The following KIF26B variants were observed in gnomAD, a reference collection of about 807,000 sequenced individuals.
KIF26B encodes the protein kinesin family member 26B, also known as kinesin-like protein KIF26B.
Under a neutral mutation model 151.2 loss-of-function variants are expected in KIF26B, and 63 were observed. The ratio of observed to expected loss-of-function variants is 0.42; its 90% confidence interval spans 0.34 to 0.51. The LOEUF is 0.51. KIF26B is among the 20% of genes least tolerant of loss of function. KIF26B has a pLI of 0.07. For missense variants in KIF26B, 2,813 were observed against 2,913.6 expected (o/e 0.97, Z 0.79); for synonymous variants, 1,357 against 1,262.1 (o/e 1.08, Z -1.59).
At chr1:245,673,746 G>A (rs1297866299) in intron 10 of KIF26B, 1 of 152,230 alleles carries the variant, frequency 6.6e-6, no homozygotes, top group African/African-American at 2.4e-5. Flanking sequence ...AAAAATGCAA[G>A]TTTATCACGA....
intron 4 of KIF26B, among the ~76,000 whole-genome samples, chr1:245,465,701 T>C (rs1410305103): frequency 6.6e-6 from 1 of 152,144 alleles, no homozygotes; most frequent in Non-Finnish European, 1.5e-5. Context: ...AAGGACTGTT[T>C]ACAAAAGCTG....
intron 10 of KIF26B, among the ~76,000 whole-genome samples, chr1:245,659,545 C>T (rs983742181): frequency 6.6e-6 from 1 of 152,126 alleles, no homozygotes; most frequent in Non-Finnish European, 1.5e-5. Context: ...AAATAGCAAA[C>T]ATATATTTGC....
intron 4 of KIF26B, among the ~76,000 whole-genome samples, chr1:245,423,709 A>C (rs1188718742): frequency 6.6e-6 from 1 of 152,020 alleles, no homozygotes; most frequent in African/African-American, 2.4e-5. Flanking sequence ...GACGAAAAAT[A>C]TGTCTATCCT....
chr1:245,191,895 A>T (rs1669117271), intron 2 of KIF26B, among the ~76,000 whole-genome samples: 1 of 152,204 alleles, frequency 6.6e-6, no homozygotes. Flanking sequence ...ACAGTAAGCT[A>T]CCATTTTTGA....
chr1:245,291,031 AT>A (rs1303571074), intron 2 of KIF26B, among the ~76,000 whole-genome samples: 9 of 152,158 alleles, frequency 5.9e-5, no homozygotes, highest in African/African-American at 2.2e-4. Context: ...TTTCCCTGTG[AT>A]CTTTTATCTT....
At chr1:245,699,616 CTT>C (rs997829761) in intron 14 of KIF26B, among the ~76,000 whole-genome samples, 6 of 21,824 alleles carry the variant, frequency 2.7e-4, no homozygotes, top group African/African-American at 6.0e-4. Context: ...ATTCAATTGT[CTT>C]GTCTTATTAG....
intron 2 of KIF26B, among the ~76,000 whole-genome samples, chr1:245,181,148 T>C (rs1668899461): frequency 6.7e-6 from 1 of 150,336 alleles, no homozygotes; most frequent in South Asian, 2.1e-4. Flanking sequence ...TTCAAGCCCT[T>C]TTTTTTCCCT....
intron 3 of KIF26B, among the ~76,000 whole-genome samples, chr1:245,406,299 G>A (rs1236791242): frequency 2.0e-5 from 3 of 152,148 alleles, no homozygotes; most frequent in African/African-American, 7.2e-5. Context: ...TTTACCAGGG[G>A]CCTGATGCCT....
At chr1:245,396,595 C>T (rs1044252361) in intron 3 of KIF26B, among the ~76,000 whole-genome samples, 1 of 150,784 alleles carries the variant, frequency 6.6e-6, no homozygotes, top group Non-Finnish European at 1.5e-5. Flanking sequence ...GAGATGGCGC[C>T]ACTGCATTCC....
Position 245,490,397 on chromosome 1 carries a change from C to T in KIF26B, c.1167-50370C>T, listed in dbSNP as rs112190138. On this transcript the variant is annotated intron_variant, in intron 4 of 14. Transcript: ENST00000407071. ...CGCGATCTCGGCTCACTGCAACCTC[C>T]GCCTCCCGGGTTCAAGTGATTCTCC... Among the ~76,000 whole-genome samples, 667 of 151,158 alleles carry T rather than the reference C, an allele frequency of 4.4e-3. 5 individuals carry two copies. The highest frequency in any genetic ancestry group is 0.015 in the African/African-American group (624 of 41,104).
At chr1:245,662,483 C>CAA in intron 10 of KIF26B, among the ~76,000 whole-genome samples, 1 of 72,772 alleles carries the variant, frequency 1.4e-5, no homozygotes, top group Admixed American at 1.5e-4. Context: ...TATACACACA[C>CAA]CCAATATATA....
chr1:245,156,731 C>T (rs1194980677), intron 2 of KIF26B, 48 bp downstream of exon 2: 5 of 1,256,454 alleles, frequency 4.0e-6, no homozygotes, highest in Non-Finnish European at 5.2e-6. Flanking sequence ...AGGGCGGGGC[C>T]GGGCCGCCAC....
intron 4 of KIF26B, among the ~76,000 whole-genome samples, chr1:245,525,778 C>T (rs1454352041): frequency 6.6e-6 from 1 of 152,104 alleles, no homozygotes; most frequent in Admixed American, 6.5e-5. Flanking sequence ...ATTATTTTCT[C>T]ATAATAATAT....
chr1:245,401,922 A>T (rs1005739881), intron 3 of KIF26B, among the ~76,000 whole-genome samples: 1 of 151,976 alleles, frequency 6.6e-6, no homozygotes, highest in African/African-American at 2.4e-5. Context: ...CCACCAAAAA[A>T]AACCCCCGAA....
At chr1:245,654,363 C>T (rs954696810) in intron 10 of KIF26B, among the ~76,000 whole-genome samples, 1 of 152,032 alleles carries the variant, frequency 6.6e-6, no homozygotes, top group East Asian at 1.9e-4. Flanking sequence ...AGCAACGAGA[C>T]GCTCCTGACT....
At chr1:245,410,284 A>T (rs1316862192) in intron 3 of KIF26B, among the ~76,000 whole-genome samples, 1 of 152,190 alleles carries the variant, frequency 6.6e-6, no homozygotes, top group Non-Finnish European at 1.5e-5. Context: ...GAGGCATATC[A>T]GTCACTGGAA....
intron 2 of KIF26B, among the ~76,000 whole-genome samples, chr1:245,193,124 T>C (rs1038645126): frequency 1.3e-5 from 2 of 152,238 alleles, no homozygotes; most frequent in Non-Finnish European, 2.9e-5. Context: ...CTCCCACTTA[T>C]AATTGAGAAC....
rs1673249692 is a variant in KIF26B, at chr1:245,375,360, A to T, written c.999+7993A>T. On this transcript the variant is annotated intron_variant, in intron 3 of 14. Transcript: ENST00000407071. This position sits in a 1 kb window ranked among gnomAD's most constrained non-coding sequence, Gnocchi z 4.2. ...CCAAAGTGCTGGGATTACAGGTATG[A>T]ACCACCACATCCGGCCAAGGAGATC... 6.6e-6 allele frequency among the ~76,000 whole-genome samples: 1 copy of T among 152,138 alleles called. No individual in the cohort carries two copies. The highest frequency in any genetic ancestry group is 6.5e-5 in the Admixed American group (1 of 15,282).
intron 2 of KIF26B, among the ~76,000 whole-genome samples, chr1:245,157,006 G>T (rs1228700175): frequency 6.6e-6 from 1 of 152,228 alleles, no homozygotes; most frequent in Non-Finnish European, 1.5e-5. Flanking sequence ...GCGGCTGCAG[G>T]CTGCGCTTTC....
Sources: gnomAD v4.1 joint callset for allele counts (sites outside exome capture counted in the v4.1 genomes callset) on GRCh38, gnomAD v4.1.1 for gene constraint, Gnocchi (gnomAD v3.1) non-coding constraint, MANE v1.5 for transcripts, NCBI Gene and HGNC (gene_info 2026-07-23, HGNC 2026-07-21) for gene names.